CREB5: variants seen among roughly 807,000 people sequenced by gnomAD.
The protein encoded by CREB5 is cAMP responsive element binding protein 5.
In CREB5, 19 loss-of-function variants were observed where a neutral mutation model predicts 57.1. The ratio of observed to expected loss-of-function variants is 0.33; its 90% CI spans 0.23 to 0.49. The LOEUF is 0.49. Among genes scored for constraint, CREB5 ranks in the 20% least tolerant of loss-of-function variants. CREB5 has a pLI of 0.99. For missense variants in CREB5, 579 were observed against 671.6 expected (o/e 0.86, Z 1.52); for synonymous variants, 238 against 238.3 (o/e 1.00, Z 0.01).
At chr7:28,429,823 G>A (rs1361241321) in intron 1 of CREB5, among the ~76,000 whole-genome samples, 1 of 152,200 alleles carries the variant, frequency 6.6e-6, no homozygotes, top group African/African-American at 2.4e-5. Context: ...CTTTCTAGTT[G>A]TGAAGTTTAT....
chr7:28,691,192 G>A (rs2128730442), intron 5 of CREB5, among the ~76,000 whole-genome samples: 1 of 152,134 alleles, frequency 6.6e-6, no homozygotes, highest in Non-Finnish European at 1.5e-5. Flanking sequence ...GGCCAAGGCA[G>A]ATGGATCACC....
chr7:28,426,002 C>G (rs955600977), intron 1 of CREB5, among the ~76,000 whole-genome samples: 3 of 152,216 alleles, frequency 2.0e-5, no homozygotes, highest in African/African-American at 7.2e-5. Context: ...ATGCCCTTCA[C>G]TGACTTGGCC....
intron 1 of CREB5, among the ~76,000 whole-genome samples, chr7:28,457,176 T>C (rs1790131416): frequency 6.6e-6 from 1 of 152,188 alleles, no homozygotes; most frequent in Admixed American, 6.5e-5. Context: ...AATTCATTCA[T>C]GAGGATGAAG....
At chr7:28,561,170 C>T (rs1795258749) in intron 4 of CREB5, among the ~76,000 whole-genome samples, 1 of 152,102 alleles carries the variant, frequency 6.6e-6, no homozygotes. Context: ...TTCCACAGCA[C>T]TCATTGTACT....
chr7:28,299,991 G>C (rs1785071465), intron 1 of CREB5, among the ~76,000 whole-genome samples: 1 of 151,932 alleles, frequency 6.6e-6, no homozygotes, highest in South Asian at 2.1e-4. Flanking sequence ...ATCCATTTTT[G>C]TGTAATGTGT....
chr7:28,598,476 G>T (rs1467767980), intron 5 of CREB5, among the ~76,000 whole-genome samples: 1 of 152,176 alleles, frequency 6.6e-6, no homozygotes. Context: ...CTGCCATCAA[G>T]CATCTTTGGA....
intron 7 of CREB5, among the ~76,000 whole-genome samples, chr7:28,740,402 G>A (rs1424482195): frequency 1.3e-5 from 2 of 152,154 alleles, no homozygotes; most frequent in Middle Eastern, 3.2e-3. Flanking sequence ...TCTGCGAAGT[G>A]CAGGTGAGGT....
At chr7:28,560,837 T>TGTGCGCGTGC (rs1562797077) in intron 4 of CREB5, among the ~76,000 whole-genome samples, 1 of 92,316 alleles carries the variant, frequency 1.1e-5, no homozygotes, top group African/African-American at 4.3e-5. Context: ...CGCGCGCGTG[T>TGTGCGCGTGC]GTGTGTGCGC....
chr7:28,411,117 C>T (rs1412620422), upstream of CREB5, among the ~76,000 whole-genome samples: 3 of 152,200 alleles, frequency 2.0e-5, no homozygotes, highest in Non-Finnish European at 4.4e-5. Flanking sequence ...AGTAAGCCTT[C>T]TCCTCTAGGG....
intron 1 of CREB5, among the ~76,000 whole-genome samples, chr7:28,397,886 G>A (rs1487585503): frequency 6.6e-6 from 1 of 152,108 alleles, no homozygotes; most frequent in Non-Finnish European, 1.5e-5. Context: ...TTTGCCTATG[G>A]AGCTAGTAAC....
chr7:28,664,438 CCTTTCCTTCCTCTCTT>C (rs955662938), intron 5 of CREB5, among the ~76,000 whole-genome samples: 17 of 152,132 alleles, frequency 1.1e-4, no homozygotes, highest in Admixed American at 2.0e-4. Context: ...TTCTTTCTCT[CCTTTCCTTCCTCTCTT>C]CTTTCCTTCC....
At chr7:28,603,793 G>T (rs559263124) in intron 5 of CREB5, among the ~76,000 whole-genome samples, 1 of 152,290 alleles carries the variant, frequency 6.6e-6, no homozygotes, top group East Asian at 1.9e-4. Context: ...TTTTAGTTTA[G>T]AAAACAGTGT....
chr7:28,418,231 T>C (rs1434652309), intron 1 of CREB5, among the ~76,000 whole-genome samples: 1 of 152,244 alleles, frequency 6.6e-6, no homozygotes, highest in Non-Finnish European at 1.5e-5. Context: ...GGTATTCATT[T>C]TTATTTGTCA....
chr7:28,682,587 C>T (rs1800649449), intron 5 of CREB5, among the ~76,000 whole-genome samples: 1 of 151,946 alleles, frequency 6.6e-6, no homozygotes, highest in African/African-American at 2.4e-5. Flanking sequence ...TCAAACTCCA[C>T]CGGGACTGTA....
intron 5 of CREB5, among the ~76,000 whole-genome samples, chr7:28,717,753 A>C (rs1243371392): frequency 6.6e-6 from 1 of 152,224 alleles, no homozygotes; most frequent in Admixed American, 6.5e-5. Context: ...GTTGTTTAAC[A>C]TGGAAGCCTC....
chr7:28,736,507 C>T (rs1025572357), intron 7 of CREB5, among the ~76,000 whole-genome samples: 2 of 152,310 alleles, frequency 1.3e-5, no homozygotes, highest in Middle Eastern at 3.4e-3. Flanking sequence ...ATATTATCTT[C>T]TTTAATTATC....
At chr7:28,657,139 C>A (rs1464093184) in intron 5 of CREB5, among the ~76,000 whole-genome samples, 1 of 152,188 alleles carries the variant, frequency 6.6e-6, no homozygotes, top group Non-Finnish European at 1.5e-5. Context: ...CCATTACCCT[C>A]ACCTGCCATA....
At chr7:28,716,159 T>G (rs1222697256) in intron 5 of CREB5, among the ~76,000 whole-genome samples, 1 of 152,172 alleles carries the variant, frequency 6.6e-6, no homozygotes, top group Non-Finnish European at 1.5e-5. Context: ...TTTTTATTTT[T>G]TAGTAGGCAA....
At chr7:28,596,512 A>G (rs1562518922) in intron 5 of CREB5, among the ~76,000 whole-genome samples, 1 of 152,234 alleles carries the variant, frequency 6.6e-6, no homozygotes, top group Non-Finnish European at 1.5e-5. Context: ...ATATTAAATT[A>G]TTGAAAGGAG....
Sources: gnomAD v4.1 joint callset for allele counts (sites outside exome capture counted in the v4.1 genomes callset) on GRCh38, gnomAD v4.1.1 for gene constraint, MANE v1.5 for transcripts, NCBI Gene and HGNC (gene_info 2026-07-23, HGNC 2026-07-21) for gene names.